NEMP2: variants seen among roughly 807,000 people sequenced by gnomAD.
The protein encoded by NEMP2 is nuclear envelope integral membrane protein 2.
A neutral mutation model predicts 54.2 loss-of-function variants in NEMP2; 53 were observed. The ratio of observed to expected loss-of-function variants is 0.98; its 90% CI spans 0.78 to 1.23. NEMP2 has a LOEUF of 1.23. Among genes scored for constraint, NEMP2 ranks in the 50% most tolerant of loss-of-function variants. The pLI is 0.00. For missense variants in NEMP2, 455 were observed against 511.3 expected (o/e 0.89, Z 1.06); for synonymous variants, 197 against 190.3 (o/e 1.04, Z -0.29).
At chr2:190,547,256 A>G in the NEMP2 span, among the ~76,000 whole-genome samples, 2 of 152,206 alleles carry the variant, frequency 1.3e-5, no homozygotes, top group African/African-American at 4.8e-5. The surrounding 1 kb of genome is among the most constrained non-coding windows in gnomAD (Gnocchi z 6.2). Context: ...GAAAATCACT[A>G]TGGTGATATT....
At chr2:190,593,574 G>A in the NEMP2 span, among the ~76,000 whole-genome samples, 1 of 152,166 alleles carries the variant, frequency 6.6e-6, no homozygotes, top group African/African-American at 2.4e-5. This position sits in a 1 kb window ranked among gnomAD's most constrained non-coding sequence, Gnocchi z 4.5. Context: ...CCAATGGTCT[G>A]TGCTTAGGCA....
the NEMP2 span, among the ~76,000 whole-genome samples, chr2:190,443,930 T>C: frequency 1.3e-5 from 2 of 152,230 alleles, no homozygotes; most frequent in South Asian, 4.2e-4. The surrounding 1 kb of genome is among the most constrained non-coding windows in gnomAD (Gnocchi z 4.2). Context: ...CACACGCCTG[T>C]AGTCCCAGTT....
the NEMP2 span, chr2:190,641,376 C>T: frequency 6.6e-6 from 1 of 152,260 alleles, no homozygotes; most frequent in African/African-American, 2.4e-5. Flanking sequence ...AGTCACACAC[C>T]TTTGTCAAGG....
chr2:190,495,646 T>G, the NEMP2 span, among the ~76,000 whole-genome samples: 1 of 152,000 alleles, frequency 6.6e-6, no homozygotes, highest in Non-Finnish European at 1.5e-5. This position sits in a 1 kb window ranked among gnomAD's most constrained non-coding sequence, Gnocchi z 4.7. Context: ...GTATAAAAAC[T>G]GGCCCATGGA....
chr2:190,640,995 T>C, the NEMP2 span: 2 of 152,154 alleles, frequency 1.3e-5, no homozygotes, highest in African/African-American at 4.8e-5. Flanking sequence ...GCTGTTTCTC[T>C]GCCCCTTTTC....
the NEMP2 span, among the ~76,000 whole-genome samples, chr2:190,621,708 G>A: frequency 6.6e-5 from 10 of 152,072 alleles, no homozygotes; most frequent in African/African-American, 1.9e-4. Context: ...AAATATCAAT[G>A]GAATAGAATT....
the NEMP2 span, chr2:190,489,738 TACTC>T: frequency 6.3e-7 from 1 of 1,587,778 alleles, no homozygotes; most frequent in Non-Finnish European, 8.6e-7. The surrounding 1 kb of genome is among the most constrained non-coding windows in gnomAD (Gnocchi z 6.6). Flanking sequence ...TTCTTGGAAT[TACTC>T]TATAGAGTGC....
chr2:190,643,873 G>C, the NEMP2 span, among the ~76,000 whole-genome samples: 3 of 152,140 alleles, frequency 2.0e-5, no homozygotes, highest in Non-Finnish European at 4.4e-5. Context: ...TGCAGTGAAA[G>C]CCATGATTGT....
chr2:190,612,854 A>T, the NEMP2 span, among the ~76,000 whole-genome samples: 1 of 152,162 alleles, frequency 6.6e-6, no homozygotes, highest in Non-Finnish European at 1.5e-5. Flanking sequence ...TTTGAATTAG[A>T]CAAAAATTAT....
intron 7 of NEMP2, among the ~76,000 whole-genome samples, chr2:190,511,202 C>T (rs961627939): frequency 6.6e-6 from 1 of 151,976 alleles, no homozygotes; most frequent in Non-Finnish European, 1.5e-5. Context: ...TTCTTGGGCA[C>T]TAATAGAAGC....
the NEMP2 span, among the ~76,000 whole-genome samples, chr2:190,446,500 G>A: frequency 6.6e-6 from 1 of 152,184 alleles, no homozygotes; most frequent in Non-Finnish European, 1.5e-5. Flanking sequence ...AGAGCTATGT[G>A]TTAGCAGTAA....
rs1413488224 is a variant in NEMP2, at chr2:190,510,493, T to C, written c.998A>G (p.Tyr333Cys). The change falls in exon 8 of 9, where the codon TAT (tyrosine) becomes TGT (cysteine). Residue 333 changes from tyrosine (Y) to cysteine (C), a missense_variant. By Grantham distance (194) the Tyr-to-Cys change is radical. Transcript: ENST00000409150. This position sits in a 1 kb window ranked among gnomAD's most constrained non-coding sequence, Gnocchi z 5.7. ...CTCCCTGTACTCGTCTTCCGTAAGA[T>C]ATTTCACCACCAGCTCTTTTGATGT... ...WFTSKELVVK[Y>C]LTEDEYREQA... 1.4e-5 allele frequency: 22 copies of C among 1,551,986 alleles called. No homozygotes were observed. Among genetic ancestry groups the C allele is most frequent in the Non-Finnish European group, 1.8e-5 (21 of 1,147,062 alleles).
At chr2:190,500,243 T>C (rs1559148587), downstream of NEMP2, 1 of 1,612,966 alleles carries the variant, frequency 6.2e-7, no homozygotes, top group African/African-American at 1.3e-5. This position sits in a 1 kb window ranked among gnomAD's most constrained non-coding sequence, Gnocchi z 5.3. Flanking sequence ...TCTCACACCC[T>C]GCATGGAATC....
the NEMP2 span, chr2:190,624,665 T>C: frequency 1.1e-4 from 17 of 152,340 alleles, no homozygotes; most frequent in Non-Finnish European, 1.8e-4. Context: ...GCAACTTGGA[T>C]GGATCTGGAG....
chr2:190,514,772 T>C lies in NEMP2; in HGVS notation c.728-94A>G, dbSNP rs1690493580. The C allele has an allele frequency of 2.5e-6, 3 of 1,188,870 alleles. No individual in the cohort carries two copies. The highest frequency in any genetic ancestry group is 1.5e-5 in the South Asian group (1 of 67,090). 73.6% of individuals were successfully genotyped at this position (1,188,870 alleles called of 1,614,324 possible). A position where few individuals can be genotyped will look rare whatever the true frequency, so the allele number is the denominator to read the frequency against. ...GCCTTGACTTAAAGGTAAAAACTAT[T>C]AGAGAACCTTAATTTTTGTGTTTTT... On this transcript the variant is annotated intron_variant, in intron 6 of 8. Transcript: ENST00000409150. The surrounding 1 kb of genome is among the most constrained non-coding windows in gnomAD (Gnocchi z 5.7).
At chr2:190,444,145 T>C in the NEMP2 span, among the ~76,000 whole-genome samples, 2 of 152,354 alleles carry the variant, frequency 1.3e-5, no homozygotes, top group East Asian at 3.9e-4. Context: ...TTGTAGGATA[T>C]GTGTAAAAAA....
At chr2:190,452,422 C>T in the NEMP2 span, among the ~76,000 whole-genome samples, 3 of 151,906 alleles carry the variant, frequency 2.0e-5, no homozygotes, top group African/African-American at 7.3e-5. Context: ...TCCTATAAGC[C>T]CTATTTAATC....
chr2:190,467,966 T>A, the NEMP2 span, among the ~76,000 whole-genome samples: 1 of 152,222 alleles, frequency 6.6e-6, no homozygotes, highest in East Asian at 1.9e-4. This position sits in a 1 kb window ranked among gnomAD's most constrained non-coding sequence, Gnocchi z 5.5. Flanking sequence ...TGGTCCTTTA[T>A]AGAAAAGTGT....
At chr2:190,535,784 G>C (rs975890781), upstream of NEMP2, 1 of 152,228 alleles carries the variant, frequency 6.6e-6, no homozygotes, top group Non-Finnish European at 1.5e-5. Flanking sequence ...GGACTCTTCA[G>C]AGGGATGGTT....
Sources: gnomAD v4.1 joint callset for allele counts (sites outside exome capture counted in the v4.1 genomes callset) on GRCh38, gnomAD v4.1.1 for gene constraint, Gnocchi (gnomAD v3.1) non-coding constraint, MANE v1.5 for transcripts, NCBI Gene and HGNC (gene_info 2026-07-23, HGNC 2026-07-21) for gene names.